AASDH: variants seen among roughly 807,000 people sequenced by gnomAD.
AASDH encodes aminoadipate-semialdehyde dehydrogenase, also known as beta-alanine-activating enzyme.
AASDH carries 81 observed loss-of-function variants against 102.3 expected under a neutral mutation model. The observed-to-expected ratio is 0.79, with a 90% CI of 0.66 to 0.95. The LOEUF is 0.95. Among genes scored for constraint, AASDH ranks in the 40% least tolerant of loss-of-function variants. AASDH has a pLI of 0.00. For synonymous variants in AASDH, 398 were observed against 454.0 expected (o/e 0.88, Z 1.57); for missense variants, 1,203 against 1,266.2 (o/e 0.95, Z 0.76).
chr4:56,343,848 C>G (rs1469935894), intron 12 of AASDH, among the ~76,000 whole-genome samples, 164 bp from the exon 13 acceptor site: 1 of 152,136 alleles, frequency 6.6e-6, no homozygotes, highest in Admixed American at 6.6e-5. Context: ...ACAAAGGACA[C>G]TACCCAGAGA....
Position 56,378,154 on chromosome 4 carries a change from T to C in AASDH, c.662A>G (p.His221Arg), listed in dbSNP as rs1286781475. Residue 221 changes from histidine to arginine, a missense_variant, in exon 4 of 15, where the codon CAT (histidine) becomes CGT (arginine). By Grantham distance (29) the His-to-Arg change is conservative. Transcript: ENST00000205214. ...PHKCIVPNIQ[H>R]FRVLFDITQE... ...GTCAAAGACTAGAACTTACCGAAAATGCTGGATATTTGGTACTATACACTT... is the reference window on the plus strand; with the variant it reads ...GTCAAAGACTAGAACTTACCGAAAACGCTGGATATTTGGTACTATACACTT... 6.3e-7 allele frequency: 1 copy of C among 1,595,832 alleles called. No homozygotes were observed. Among genetic ancestry groups the C allele is most frequent in the Non-Finnish European group, 8.5e-7 (1 of 1,171,430 alleles).
intron 14 of AASDH, 50 bp downstream of exon 14, chr4:56,342,785 A>AAAAAAT: frequency 1.3e-6 from 1 of 743,492 alleles, no homozygotes; most frequent in Admixed American, 5.2e-5. Flanking sequence ...TTATATATAC[A>AAAAAAT]TTTATATATA....
At chr4:56,351,482 A>C in intron 9 of AASDH, 25 bp from the exon 10 acceptor site, 1 of 1,288,180 alleles carries the variant, frequency 7.8e-7, no homozygotes, top group Non-Finnish European at 1.1e-6. Context: ...GAAATAACAA[A>C]TGTTTTAAAA....
chr4:56,350,250 T>C (rs1484618206), intron 10 of AASDH, among the ~76,000 whole-genome samples, 192 bp from the exon 11 acceptor site: 1 of 152,002 alleles, frequency 6.6e-6, no homozygotes, highest in Non-Finnish European at 1.5e-5. Context: ...AGGTCAGGAG[T>C]TCGAGACCAT....
intron 2 of AASDH, among the ~76,000 whole-genome samples, chr4:56,383,695 C>T (rs191234793): frequency 1.3e-5 from 2 of 152,236 alleles, no homozygotes; most frequent in Admixed American, 6.5e-5. Context: ...TACCTTAGTG[C>T]CTCAAATTTC....
At chr4:56,383,437 TC>T (rs1753200356) in intron 2 of AASDH, among the ~76,000 whole-genome samples, 1 of 152,158 alleles carries the variant, frequency 6.6e-6, no homozygotes, top group African/African-American at 2.4e-5. Flanking sequence ...TTTTTGAACA[TC>T]TTTTGCTTTA....
chr4:56,362,026 A>G (rs1295929117), intron 5 of AASDH, among the ~76,000 whole-genome samples: 1 of 152,210 alleles, frequency 6.6e-6, no homozygotes, highest in African/African-American at 2.4e-5. Flanking sequence ...TTTGTTACCA[A>G]GAGTATGTAA....
chr4:56,377,369 ATAC>A (rs946427061), intron 4 of AASDH, among the ~76,000 whole-genome samples: 1 of 152,184 alleles, frequency 6.6e-6, no homozygotes. Flanking sequence ...AAACTCCACA[ATAC>A]TACTACAAGA....
chr4:56,373,795 C>T (rs1045909422), intron 4 of AASDH, among the ~76,000 whole-genome samples: 1 of 146,546 alleles, frequency 6.8e-6, no homozygotes, highest in Non-Finnish European at 1.5e-5. Context: ...ATTCTATGAA[C>T]AAAAATGGGC....
At chr4:56,378,557 G>A in intron 3 of AASDH, 93 bp from the exon 4 acceptor site, 2 of 1,090,450 alleles carry the variant, frequency 1.8e-6, no homozygotes, top group Non-Finnish European at 1.3e-6. Context: ...TCATCCCTCA[G>A]TATCCTTGGG....
intron 1 of AASDH, among the ~76,000 whole-genome samples, chr4:56,385,629 G>C (rs1560627244): frequency 6.6e-6 from 1 of 152,020 alleles, no homozygotes; most frequent in African/African-American, 2.4e-5. Context: ...TGACAGTCTC[G>C]CTCTGTTCCC....
Position 56,382,574 on chromosome 4 carries a change from T to A in AASDH, c.254A>T (p.Tyr85Phe), listed in dbSNP as rs1237823233. 3 of 1,610,684 alleles carry A rather than the reference T, an allele frequency of 1.9e-6. No homozygotes were observed. Among genetic ancestry groups the A allele is most frequent in the Non-Finnish European group, 8.5e-7 (1 of 1,179,154 alleles). ...TGGTGAATCTGGCTCGATAGGTACA[T>A]AAGCAGCCGGGACTTGGAGAATTCT... The part of the protein sequence containing the change: ...ILGILQVPAA[Y>F]VPIEPDSPPS... Residue 85 changes from tyrosine (Y) to phenylalanine (F), a missense_variant, in exon 3 of 15, where the codon TAT (tyrosine) becomes TTT (phenylalanine). Transcript: ENST00000205214.
At chr4:56,364,772 T>C (rs1015535052) in intron 5 of AASDH, among the ~76,000 whole-genome samples, 1 of 152,098 alleles carries the variant, frequency 6.6e-6, no homozygotes, top group Non-Finnish European at 1.5e-5. Context: ...TCATGCCAAA[T>C]TGTAAAGACC....
chr4:56,379,259 GA>G (rs1029975882), intron 3 of AASDH, among the ~76,000 whole-genome samples: 1 of 152,120 alleles, frequency 6.6e-6, no homozygotes, highest in African/African-American at 2.4e-5. Flanking sequence ...TCAGCCTCTT[GA>G]GTAGCTGGAA....
At position 56,349,449 on chromosome 4, in the gene AASDH, C is replaced by G; in HGVS notation, c.2302G>C (p.Asp768His). ...RWRSDTGKCV[D>H]ASPLVVIPTF... ...GGTATTACAACCAGCGGTGAAGCAT[C>G]TACACATTTGCCTGTGTCTGACCTC... The change falls in exon 11 of 15, where the codon GAT becomes CAT. Residue 768 changes from aspartate to histidine, a missense_variant. Physicochemically the swap from Asp to His is moderately conservative, Grantham distance 81. Coordinates refer to ENST00000205214, the MANE Select transcript of AASDH (RefSeq NM_181806.4). 1 of 1,614,216 alleles carries G rather than the reference C, an allele frequency of 6.2e-7. No individual in the cohort carries two copies. Among genetic ancestry groups the G allele is most frequent in the Non-Finnish European group, 8.5e-7 (1 of 1,180,044 alleles).
intron 5 of AASDH, chr4:56,356,021 T>C (rs1478844972): frequency 9.9e-6 from 5 of 505,550 alleles, no homozygotes; most frequent in Non-Finnish European, 1.7e-5. Flanking sequence ...AGGTTTAGGA[T>C]AAAAAGGACA....
chr4:56,378,460 A>C lies in AASDH; in HGVS notation c.356T>G (p.Phe119Cys). The part of the protein sequence containing the change: ...ILVEKKQINK[F>C]KSFHETLLNY... ...CAATAATGTTTCATGAAAAGATTTA[A>C]ATTTCTGTGTGAAATGGGGGACAAA... Residue 119 changes from phenylalanine (F) to cysteine (C), a missense_variant, in exon 4 of 15, where the codon TTT (phenylalanine) becomes TGT (cysteine). Physicochemically the swap from Phe to Cys is radical, Grantham distance 205. Coordinates refer to ENST00000205214, the MANE Select transcript of AASDH (RefSeq NM_181806.4). The C allele has an allele frequency of 1.3e-6, 2 of 1,591,430 alleles. No homozygotes were observed. The highest frequency in any genetic ancestry group is 1.7e-6 in the Non-Finnish European group (2 of 1,171,226).
intron 14 of AASDH, 82 bp downstream of exon 14, chr4:56,342,753 A>G (rs1440394954): frequency 2.2e-5 from 12 of 533,746 alleles, no homozygotes; most frequent in Non-Finnish European, 2.8e-5. Flanking sequence ...CTATAGATAT[A>G]TAAAATTTCT....
At chr4:56,375,233 C>T (rs1174691983) in intron 4 of AASDH, among the ~76,000 whole-genome samples, 1 of 152,152 alleles carries the variant, frequency 6.6e-6, no homozygotes, top group Non-Finnish European at 1.5e-5. Context: ...AGACTACAGA[C>T]TTGTGCCACC....
Sources: gnomAD v4.1 joint callset for allele counts (sites outside exome capture counted in the v4.1 genomes callset) on GRCh38, gnomAD v4.1.1 for gene constraint, MANE v1.5 for transcripts, NCBI Gene and HGNC (gene_info 2026-07-23, HGNC 2026-07-21) for gene names.